PRCP: variants seen among roughly 807,000 people sequenced by gnomAD.
PRCP encodes the protein lysosomal Pro-X carboxypeptidase.
A neutral mutation model predicts 54.2 loss-of-function variants in PRCP; 46 were observed. The observed-to-expected ratio is 0.85, with a 90% CI of 0.67 to 1.09. PRCP has a LOEUF of 1.09. PRCP is among the 50% of genes least tolerant of loss of function. The pLI is 0.00. For synonymous variants in PRCP, 240 were observed against 212.2 expected (o/e 1.13, Z -1.14); for missense variants, 613 against 596.8 (o/e 1.03, Z -0.28).
In PRCP at chr11:82,885,679, C is replaced by T. The variant is rs1859847502; in HGVS notation, c.168+14556G>A. Among the ~76,000 whole-genome samples, 6 of 152,116 alleles carry T rather than the reference C, an allele frequency of 3.9e-5. No homozygotes were observed. The South Asian group carries it at 1.2e-3, about 31-fold the overall frequency. ...CTAAGAGCTGGTAGACTTTCAAAAGCAGAATGCAAGATAGGGACATGCAAG... is the reference window on the plus strand; with the variant it reads ...CTAAGAGCTGGTAGACTTTCAAAAGTAGAATGCAAGATAGGGACATGCAAG... On this transcript the variant is annotated intron_variant, in intron 1 of 8. Coordinates refer to ENST00000313010, the MANE Select transcript of PRCP (RefSeq NM_005040.4).
intron 6 of PRCP, among the ~76,000 whole-genome samples, chr11:82,847,228 T>G (rs1277478236): frequency 6.6e-6 from 1 of 152,246 alleles, no homozygotes; most frequent in Non-Finnish European, 1.5e-5. Context: ...ATTCTCACCT[T>G]GTACACAGAT....
At chr11:82,860,157 TAATAA>T (rs1859177134) in intron 1 of PRCP, 40 bp from the exon 2 acceptor site, 1 of 1,354,448 alleles carries the variant, frequency 7.4e-7, no homozygotes, top group African/African-American at 1.5e-5. Context: ...CAAAGGAAAG[TAATAA>T]AATGAGATCA....
intron 1 of PRCP, among the ~76,000 whole-genome samples, chr11:82,860,482 G>T (rs1859184299): frequency 6.6e-6 from 1 of 151,734 alleles, no homozygotes; most frequent in African/African-American, 2.4e-5. Context: ...TTTTACGTAT[G>T]GTGTATATAA....
chr11:82,897,795 G>A (rs924601444), intron 1 of PRCP, among the ~76,000 whole-genome samples: 1 of 152,194 alleles, frequency 6.6e-6, no homozygotes, highest in African/African-American at 2.4e-5. Flanking sequence ...CTAAGCAGGG[G>A]AGGGATAAGA....
intron 6 of PRCP, among the ~76,000 whole-genome samples, chr11:82,844,118 C>G (rs186673215): frequency 9.9e-5 from 15 of 152,096 alleles, no homozygotes; most frequent in African/African-American, 3.6e-4. Flanking sequence ...TAACTAGCAT[C>G]AATTTAGTGC....
chr11:82,879,381 C>T (rs558924242), intron 1 of PRCP, among the ~76,000 whole-genome samples: 14 of 152,290 alleles, frequency 9.2e-5, no homozygotes, highest in African/African-American at 2.9e-4. Context: ...AGCTCCATCA[C>T]GTCATTTAAG....
chr11:82,900,414 G>C lies in PRCP; in HGVS notation c.-12C>G. 3.1e-6 allele frequency: 5 copies of C among 1,612,524 alleles called. No individual in the cohort carries two copies. The highest frequency in any genetic ancestry group is 2.7e-5 in the African/African-American group (2 of 75,042). Reference sequence around the variant, plus strand: ...GCTCGGCGGCCCATGGCTCAGGCTGGAGACTGCAGTGCGGGTGGGAGGGCG... The same window carrying C: ...GCTCGGCGGCCCATGGCTCAGGCTGCAGACTGCAGTGCGGGTGGGAGGGCG... On this transcript the variant is annotated 5_prime_UTR_variant, in exon 1 of 9. Transcript: ENST00000313010.
chr11:82,884,376 G>A (rs144883498), intron 1 of PRCP, among the ~76,000 whole-genome samples: 26 of 152,230 alleles, frequency 1.7e-4, no homozygotes, highest in Non-Finnish European at 2.9e-4. Flanking sequence ...TGGGCAACCT[G>A]TAGAAACCCC....
intron 7 of PRCP, 68 bp downstream of exon 7, chr11:82,839,193 A>ATT: frequency 6.7e-7 from 1 of 1,498,826 alleles, no homozygotes. Flanking sequence ...GTGTACCCTG[A>ATT]TTTTTTTTTA....
chr11:82,896,424 C>T (rs746367907), intron 1 of PRCP, among the ~76,000 whole-genome samples: 8 of 152,058 alleles, frequency 5.3e-5, no homozygotes, highest in Non-Finnish European at 7.4e-5. Flanking sequence ...GTTTGACTTC[C>T]CCTCACTTTG....
Position 82,900,369 on chromosome 11 carries a change from A to ACAGAAG in PRCP, c.28_33dup (p.Leu10_Leu11dup). The ACAGAAG allele has an allele frequency of 6.2e-7, 1 of 1,613,944 alleles. No individual in the cohort carries two copies. Among genetic ancestry groups the ACAGAAG allele is most frequent in the Non-Finnish European group, 8.5e-7 (1 of 1,179,886 alleles). On this transcript the variant is annotated inframe_insertion, in exon 1 of 9. Transcript: ENST00000313010. ...ATGGTGGCCCAGGGCGCCAGAAAAG[A>ACAGAAG]CAGAAGCAGGAGCAGGAGGGCTCGG...
chr11:82,878,821 G>A (rs1199737753), intron 1 of PRCP, among the ~76,000 whole-genome samples: 1 of 152,186 alleles, frequency 6.6e-6, no homozygotes, highest in East Asian at 1.9e-4. Context: ...GGCTGGATAT[G>A]AAATTCTGGG....
At chr11:82,863,310 G>A (rs1314613263) in intron 1 of PRCP, among the ~76,000 whole-genome samples, 2 of 152,174 alleles carry the variant, frequency 1.3e-5, no homozygotes, top group African/African-American at 4.8e-5. Context: ...ATCTCATCAT[G>A]CTGAATGAGA....
intron 1 of PRCP, among the ~76,000 whole-genome samples, chr11:82,891,908 T>C (rs1860016062): frequency 6.6e-6 from 1 of 152,248 alleles, no homozygotes; most frequent in South Asian, 2.1e-4. Flanking sequence ...TTTTTTGGGC[T>C]AACAATATTC....
intron 3 of PRCP, among the ~76,000 whole-genome samples, chr11:82,852,067 T>C (rs899684994): frequency 2.6e-5 from 4 of 152,170 alleles, no homozygotes; most frequent in Admixed American, 6.5e-5. Context: ...GCTAACACAG[T>C]ATCATTTATA....
chr11:82,868,195 T>C (rs574687007), intron 1 of PRCP, among the ~76,000 whole-genome samples: 11 of 152,276 alleles, frequency 7.2e-5, no homozygotes, highest in Admixed American at 5.2e-4. Context: ...TATAATAAGA[T>C]AATTCAAAAG....
At chr11:82,888,798 C>T (rs756307334) in intron 1 of PRCP, among the ~76,000 whole-genome samples, 4 of 152,200 alleles carry the variant, frequency 2.6e-5, no homozygotes, top group Non-Finnish European at 5.9e-5. Context: ...TCCATATACA[C>T]ACACCTTCCT....
chr11:82,873,161 T>A (rs11822534), intron 1 of PRCP, among the ~76,000 whole-genome samples: 4,135 of 152,120 alleles, frequency 0.027, 182 homozygotes, highest in African/African-American at 0.093. Context: ...AAGCCAGGCT[T>A]CAAGCCAAGG....
chr11:82,896,620 A>G (rs111708180), intron 1 of PRCP, among the ~76,000 whole-genome samples: 2,383 of 140,700 alleles, frequency 0.017, 66 homozygotes, highest in African/African-American at 0.06. Flanking sequence ...CAGATGTTGC[A>G]GTGAGCCGAG....
Sources: allele counts gnomAD v4.1 joint callset (sites outside exome capture counted in the v4.1 genomes callset), GRCh38; gene constraint gnomAD v4.1.1; transcripts MANE v1.5; gene names NCBI Gene and HGNC (gene_info 2026-07-23, HGNC 2026-07-21).